The following CRYBB2 variants were observed in gnomAD, a reference collection of about 807,000 sequenced individuals.
The protein encoded by CRYBB2 is crystallin beta B2, also known as beta-crystallin B2.
A neutral mutation model predicts 24.3 loss-of-function variants in CRYBB2; 12 were observed. That is an observed-to-expected ratio of 0.49 (90% CI 0.32 to 0.80). The LOEUF is 0.80. Among genes scored for constraint, CRYBB2 ranks in the 30% least tolerant of loss-of-function variants. The probability of loss-of-function intolerance (pLI) is 0.04; values close to 1 mark genes in which losing one functional copy is unlikely to be tolerated. For synonymous variants in CRYBB2, 98 were observed against 101.6 expected (o/e 0.96, Z 0.21); for missense variants, 198 against 268.5 (o/e 0.74, Z 1.83).
At chr22:25,227,203 C>T (rs1023098551) in intron 3 of CRYBB2, among the ~76,000 whole-genome samples, 29 of 152,184 alleles carry the variant, frequency 1.9e-4, no homozygotes, top group Non-Finnish European at 2.2e-4. Flanking sequence ...TTCTGCTTTC[C>T]TCTATTAGCC....
At chr22:25,218,521 C>T (rs925689573), upstream of CRYBB2, among the ~76,000 whole-genome samples, 1 of 151,174 alleles carries the variant, frequency 6.6e-6, no homozygotes, top group Non-Finnish European at 1.5e-5. Flanking sequence ...AAGAATTTAG[C>T]TGGACCTGGT....
intron 2 of CRYBB2, among the ~76,000 whole-genome samples, chr22:25,222,260 A>C (rs984120273): frequency 1.3e-4 from 20 of 152,188 alleles, no homozygotes; most frequent in Non-Finnish European, 4.4e-5. Context: ...TGCTCACCCC[A>C]ATCTGTCCCT....
At chr22:25,218,030 C>A (rs556815835), upstream of CRYBB2, among the ~76,000 whole-genome samples, 10 of 150,328 alleles carry the variant, frequency 6.7e-5, no homozygotes, top group South Asian at 1.9e-3. Flanking sequence ...GAGGCCGAGA[C>A]GGGCGGATAA....
Position 25,229,489 on chromosome 22 carries a change from G to A in CRYBB2, c.360G>A (p.Lys120=), listed in dbSNP as rs1385970961. 11 of 1,613,852 alleles carry A rather than the reference G, an allele frequency of 6.8e-6. No individual in the cohort carries two copies. The highest frequency in any genetic ancestry group is 7.6e-6 in the Non-Finnish European group (9 of 1,179,888). The part of the protein sequence containing the change: ...ILYENPNFTG[K]KMEIIDDDVP... ...ATGAAAACCCCAACTTCACCGGGAA[G>A]AAGATGGAAATCATAGATGACGATG... is the stretch of plus-strand genomic sequence containing the variant. Residue 120 remains lysine, a synonymous_variant, in exon 5 of 6, where the codon AAG becomes AAA. Coordinates refer to ENST00000398215, the MANE Select transcript of CRYBB2 (RefSeq NM_000496.3).
At chr22:25,211,784 C>T (rs549551586), upstream of CRYBB2, among the ~76,000 whole-genome samples, 2 of 152,270 alleles carry the variant, frequency 1.3e-5, no homozygotes, top group East Asian at 1.9e-4. Flanking sequence ...CAGTTATAAG[C>T]GAATGAGGTT....
Position 25,231,765 on chromosome 22 carries a change from C to T in CRYBB2, c.611C>T (p.Ser204Phe). Residue 204 changes from serine (S) to phenylalanine (F), a missense_variant, in exon 6 of 6, where the codon TCC (serine) becomes TTC (phenylalanine). Ser to Phe is a radical substitution (Grantham distance 155). Coordinates refer to ENST00000398215, the MANE Select transcript of CRYBB2 (RefSeq NM_000496.3). ...QWHQRGAFHP[S>F]N ...CACCAACGTGGTGCCTTCCACCCCT[C>T]CAACTAGTGCCCTCCCCACCATGCC... 6.2e-7 allele frequency: 1 copy of T among 1,614,094 alleles called. No individual in the cohort carries two copies. Among genetic ancestry groups the T allele is most frequent in the Non-Finnish European group, 8.5e-7 (1 of 1,179,970 alleles).
chr22:25,229,450 C>T lies in CRYBB2; in HGVS notation c.321C>T (p.His107=), dbSNP rs1339026079. 1 of 1,611,244 alleles carries T rather than the reference C, an allele frequency of 6.2e-7. No individual in the cohort carries two copies. Among genetic ancestry groups the T allele is most frequent in the East Asian group, 2.2e-5 (1 of 44,758 alleles). ...LRPIKVDSQE[H]KIILYENPNF... ...TCTGCCAATAGGACAGCCAAGAGCA[C>T]AAGATCATCCTCTATGAAAACCCCA... The change falls in exon 5 of 6, where the codon CAC becomes CAT. Residue 107 remains histidine (H), a synonymous_variant. Coordinates refer to ENST00000398215, the MANE Select transcript of CRYBB2 (RefSeq NM_000496.3).
chr22:25,219,175 G>C (rs1935278380), upstream of CRYBB2, among the ~76,000 whole-genome samples: 1 of 152,130 alleles, frequency 6.6e-6, no homozygotes, highest in Non-Finnish European at 1.5e-5. Context: ...TCCTCTTCCT[G>C]ACACTCCCCT....
intron 5 of CRYBB2, among the ~76,000 whole-genome samples, chr22:25,230,752 G>A (rs563597066): frequency 5.1e-4 from 77 of 149,560 alleles, no homozygotes; most frequent in African/African-American, 1.9e-3. Context: ...AGGTGCCCAG[G>A]GTGAAGGAGA....
intron 1 of CRYBB2, among the ~76,000 whole-genome samples, chr22:25,214,249 G>A (rs1935139966): frequency 6.6e-6 from 1 of 152,180 alleles, no homozygotes; most frequent in Non-Finnish European, 1.5e-5. Context: ...GAGACAGGAG[G>A]ATCACTTGAG....
chr22:25,217,192 T>A (rs1251560449), upstream of CRYBB2, among the ~76,000 whole-genome samples: 1 of 152,096 alleles, frequency 6.6e-6, no homozygotes, highest in Non-Finnish European at 1.5e-5. Flanking sequence ...TTTTTTTTTT[T>A]TTGAGACAGC....
intron 5 of CRYBB2, among the ~76,000 whole-genome samples, chr22:25,230,420 T>G (rs1454162909): frequency 1.3e-5 from 2 of 152,048 alleles, no homozygotes; most frequent in South Asian, 2.1e-4. Context: ...CCTCCCAAAG[T>G]GCAGGGATTA....
chr22:25,212,041 C>A (rs936954541), upstream of CRYBB2, among the ~76,000 whole-genome samples: 1 of 152,152 alleles, frequency 6.6e-6, no homozygotes, highest in Non-Finnish European at 1.5e-5. Flanking sequence ...AGGTTGTTGC[C>A]GGTAGTAACC....
chr22:25,225,629 G>A (rs1935399507), intron 3 of CRYBB2, among the ~76,000 whole-genome samples: 1 of 152,212 alleles, frequency 6.6e-6, no homozygotes, highest in Non-Finnish European at 1.5e-5. Context: ...TGAGCCTGCA[G>A]AGTCTGGGAC....
intron 1 of CRYBB2, among the ~76,000 whole-genome samples, 192 bp downstream of exon 1, chr22:25,219,858 A>G (rs200851166): frequency 4.9e-4 from 75 of 152,340 alleles, no homozygotes; most frequent in East Asian, 4.4e-3. Context: ...AAGAGAAGTT[A>G]GGGGATCATC....
rs144053378 is a variant in CRYBB2, at chr22:25,224,743, T to C, written c.55-175T>C. On this transcript the variant is annotated intron_variant, in intron 2 of 5. Coordinates refer to ENST00000398215, the MANE Select transcript of CRYBB2 (RefSeq NM_000496.3). ...AGAGAGGAGAAATGCAGGCTCAAGG[T>C]CCCACGGCTGCTTATAGCCAGAGCC... is the stretch of plus-strand genomic sequence containing the variant. Among the ~76,000 whole-genome samples, 512 of 152,236 alleles carry C rather than the reference T, an allele frequency of 3.4e-3. 8 individuals carry two copies. In the East Asian group the frequency reaches 0.049, roughly 15 times the overall value.
chr22:25,231,737 T>G lies in CRYBB2; in HGVS notation c.583T>G (p.Trp195Gly), dbSNP rs147344332. Residue 195 changes from tryptophan to glycine, a missense_variant, in exon 6 of 6, where the codon TGG becomes GGG. Transcript: ENST00000398215. ...QSVRRIRDMQWHQRGAFHPSN is the reference protein window; with the variant it reads ...QSVRRIRDMQGHQRGAFHPSN ...CGTGCGCCGTATCCGCGACATGCAGTGGCACCAACGTGGTGCCTTCCACCC... is the reference window on the plus strand; with the variant it reads ...CGTGCGCCGTATCCGCGACATGCAGGGGCACCAACGTGGTGCCTTCCACCC... The G allele has an allele frequency of 9.0e-5, 146 of 1,614,000 alleles. No homozygotes were observed. Among genetic ancestry groups the G allele is most frequent in the Admixed American group, 2.7e-4 (16 of 60,002 alleles).
intron 3 of CRYBB2, among the ~76,000 whole-genome samples, chr22:25,226,760 G>A (rs1272708519): frequency 1.3e-5 from 2 of 152,218 alleles, no homozygotes; most frequent in South Asian, 2.1e-4. Context: ...TGCAACCTCC[G>A]CCTCCCGGGT....
chr22:25,230,758 G>A (rs1935517808), intron 5 of CRYBB2, among the ~76,000 whole-genome samples: 1 of 149,714 alleles, frequency 6.7e-6, no homozygotes, highest in East Asian at 1.9e-4. Flanking sequence ...CCAGGGTGAA[G>A]GAGATTAAAG....
Sources: allele counts gnomAD v4.1 joint callset (sites outside exome capture counted in the v4.1 genomes callset), GRCh38; gene constraint gnomAD v4.1.1; transcripts MANE v1.5; gene names NCBI Gene and HGNC (gene_info 2026-07-23, HGNC 2026-07-21).